The following ACCSL variants were observed in gnomAD, a reference collection of about 807,000 sequenced individuals.
The protein encoded by ACCSL is probable inactive 1-aminocyclopropane-1-carboxylate synthase-like protein 2.
A neutral mutation model predicts 61.7 loss-of-function variants in ACCSL; 55 were observed. That is an observed-to-expected ratio of 0.89 (90% CI 0.72 to 1.12). The LOEUF (loss-of-function observed/expected upper bound fraction) is 1.12, where lower values mean the gene tolerates loss of function less well. Among genes scored for constraint, ACCSL ranks in the 50% most tolerant of loss-of-function variants. The probability of loss-of-function intolerance (pLI) is 0.00; values close to 1 mark genes in which losing one functional copy is unlikely to be tolerated. For missense variants in ACCSL, 632 were observed against 698.0 expected, an observed-to-expected ratio of 0.91 and a Z score of 1.07; for synonymous variants, 258 against 264.3, an observed-to-expected ratio of 0.98 and a Z score of 0.23.
the ACCSL span, among the ~76,000 whole-genome samples, chr11:43,927,469 A>G: frequency 6.6e-6 from 1 of 152,246 alleles, no homozygotes; most frequent in African/African-American, 2.4e-5. Flanking sequence ...TGCTTTACAT[A>G]TAATCAGTGC....
the ACCSL span, among the ~76,000 whole-genome samples, chr11:44,038,739 A>G: frequency 6.6e-6 from 1 of 152,226 alleles, no homozygotes; most frequent in Non-Finnish European, 1.5e-5. Flanking sequence ...GGCTGAAATC[A>G]ACGGGCAAAA....
At chr11:44,050,004 G>GA in intron 1 of ACCSL, 58 bp from the exon 2 acceptor site, 1 of 1,609,824 alleles carries the variant, frequency 6.2e-7, no homozygotes, top group Non-Finnish European at 8.5e-7. Flanking sequence ...TGTTTCAAGG[G>GA]ATCTATGTAG....
At chr11:44,008,599 G>A in the ACCSL span, among the ~76,000 whole-genome samples, 4 of 152,266 alleles carry the variant, frequency 2.6e-5, no homozygotes, top group Non-Finnish European at 5.9e-5. Flanking sequence ...CTGTATGACC[G>A]CGAAGCATAG....
the ACCSL span, among the ~76,000 whole-genome samples, chr11:44,001,637 C>T: frequency 3.3e-5 from 5 of 151,654 alleles, no homozygotes; most frequent in East Asian, 1.9e-4. Context: ...AAGCAAAATA[C>T]GAGATCCTGC....
chr11:44,031,388 T>G, the ACCSL span, among the ~76,000 whole-genome samples: 9 of 152,146 alleles, frequency 5.9e-5, no homozygotes, highest in East Asian at 1.9e-4. Flanking sequence ...GCCTTAGAAC[T>G]TCTGAGATCT....
chr11:44,018,941 C>A, the ACCSL span, among the ~76,000 whole-genome samples: 205 of 152,326 alleles, frequency 1.3e-3, no homozygotes, highest in African/African-American at 4.5e-3. Flanking sequence ...AAATTTGATA[C>A]CCATTAATTC....
the ACCSL span, among the ~76,000 whole-genome samples, chr11:43,982,852 G>A: frequency 5.3e-5 from 8 of 152,184 alleles, no homozygotes; most frequent in Admixed American, 2.0e-4. Context: ...GGATTCACAC[G>A]GTGGGAGAAG....
At chr11:43,975,390 T>G in the ACCSL span, among the ~76,000 whole-genome samples, 7 of 152,192 alleles carry the variant, frequency 4.6e-5, no homozygotes, top group Non-Finnish European at 2.9e-5. Context: ...ATATAAGATA[T>G]GACTTCCAGA....
the ACCSL span, among the ~76,000 whole-genome samples, chr11:43,965,900 G>A: frequency 0.049 from 7,494 of 152,220 alleles, 507 homozygotes; most frequent in Admixed American, 0.19. Context: ...ATATCCACAT[G>A]CATTTTTGTA....
chr11:43,955,910 C>G, the ACCSL span, among the ~76,000 whole-genome samples: 8 of 151,486 alleles, frequency 5.3e-5, no homozygotes, highest in South Asian at 1.7e-3. Flanking sequence ...AGCTTGGCCT[C>G]GGCTCAGGAA....
the ACCSL span, among the ~76,000 whole-genome samples, chr11:43,931,640 T>C: frequency 1.3e-5 from 2 of 152,232 alleles, no homozygotes. Context: ...GAGATAGTCG[T>C]ACTGCTCTGG....
chr11:43,978,977 A>G, the ACCSL span, among the ~76,000 whole-genome samples: 2 of 151,966 alleles, frequency 1.3e-5, no homozygotes, highest in African/African-American at 4.8e-5. Flanking sequence ...GCCTTGTGGC[A>G]CTAATTATTG....
chr11:43,962,066 A>G, the ACCSL span, among the ~76,000 whole-genome samples: 1 of 152,226 alleles, frequency 6.6e-6, no homozygotes, highest in Non-Finnish European at 1.5e-5. Context: ...TGCCCAGAAC[A>G]TGGACACCTT....
chr11:44,036,263 G>A, the ACCSL span, among the ~76,000 whole-genome samples: 2 of 152,228 alleles, frequency 1.3e-5, no homozygotes, highest in African/African-American at 4.8e-5. Context: ...TAAAGGAATT[G>A]TTAGGGTCCT....
At chr11:43,978,534 G>A in the ACCSL span, among the ~76,000 whole-genome samples, 1 of 152,078 alleles carries the variant, frequency 6.6e-6, no homozygotes, top group African/African-American at 2.4e-5. Context: ...GGCATCAAAG[G>A]GCCCAGAACG....
the ACCSL span, among the ~76,000 whole-genome samples, chr11:44,020,523 C>T: frequency 6.6e-6 from 1 of 152,144 alleles, no homozygotes; most frequent in African/African-American, 2.4e-5. Context: ...GTGTTTTTAT[C>T]ATGAAAGAGT....
the ACCSL span, among the ~76,000 whole-genome samples, chr11:44,038,742 G>A: frequency 3.3e-5 from 5 of 152,118 alleles, no homozygotes; most frequent in East Asian, 1.9e-4. Context: ...TGAAATCAAC[G>A]GGCAAAATGA....
At chr11:43,958,103 A>G in the ACCSL span, among the ~76,000 whole-genome samples, 1 of 152,242 alleles carries the variant, frequency 6.6e-6, no homozygotes, top group Admixed American at 6.5e-5. Context: ...AAAAGGCTAA[A>G]TTGTTCTTGT....
chr11:44,003,576 G>T, the ACCSL span, among the ~76,000 whole-genome samples: 1 of 151,566 alleles, frequency 6.6e-6, no homozygotes, highest in Non-Finnish European at 1.5e-5. Context: ...CCAGGAGGTG[G>T]AGGTTGCAGT....
Sources: allele counts gnomAD v4.1 joint callset (sites outside exome capture counted in the v4.1 genomes callset), GRCh38; gene constraint gnomAD v4.1.1; transcripts MANE v1.5; gene names NCBI Gene and HGNC (gene_info 2026-07-23, HGNC 2026-07-21).